ANXA2: variants seen among roughly 807,000 people sequenced by gnomAD.
ANXA2 encodes the protein annexin A2.
In ANXA2, 28 loss-of-function variants were observed where a neutral mutation model predicts 47.3. The ratio of observed to expected loss-of-function variants is 0.59; its 90% CI spans 0.44 to 0.81. The LOEUF is 0.81. Ranked by LOEUF, ANXA2 falls within the 40% of genes least tolerant of loss-of-function variation. ANXA2 has a pLI of 0.00. For synonymous variants in ANXA2, 172 were observed against 155.5 expected (o/e 1.11, Z -0.79); for missense variants, 384 against 414.3 (o/e 0.93, Z 0.64).
intron 1 of ANXA2, among the ~76,000 whole-genome samples, chr15:60,388,124 G>A (rs1189373586): frequency 6.6e-6 from 1 of 151,780 alleles, no homozygotes; most frequent in Non-Finnish European, 1.5e-5. Flanking sequence ...GAAGGCAGAG[G>A]TAGCAGTGAG....
rs1566938018 is a variant in ANXA2 at position 60,366,442 on chromosome 15, G to GT, written c.149-1920_149-1919insA. Reference sequence around the variant, plus strand: ...CCGCCCATCGTCTGAGATGTGGGGAGCACCTCTGCCCCACCGCCCTGTCTG... The same window carrying GT: ...CCGCCCATCGTCTGAGATGTGGGGAGTCACCTCTGCCCCACCGCCCTGTCTG... On this transcript the variant is annotated intron_variant, in intron 3 of 12. Transcript: ENST00000451270. Among the ~76,000 whole-genome samples the GT allele has an allele frequency of 2.6e-4, 39 of 150,018 alleles. No individual in the cohort carries two copies. The East Asian group carries it at 7.8e-3, about 30-fold the overall frequency.
At chr15:60,396,573 T>C (rs1238839971) in intron 1 of ANXA2, 1 of 152,260 alleles carries the variant, frequency 6.6e-6, no homozygotes, top group African/African-American at 2.4e-5. Context: ...TACACACACA[T>C]TGCCCCTCAC....
At chr15:60,393,957 T>C (rs1283200120) in intron 1 of ANXA2, among the ~76,000 whole-genome samples, 1 of 152,166 alleles carries the variant, frequency 6.6e-6, no homozygotes, top group African/African-American at 2.4e-5. Context: ...CTCAATTTTC[T>C]CTCTCCCTCA....
chr15:60,371,206 C>G (rs572636111), intron 3 of ANXA2, among the ~76,000 whole-genome samples: 1 of 152,336 alleles, frequency 6.6e-6, no homozygotes, highest in East Asian at 1.9e-4. Context: ...ATTTTCAACA[C>G]CTGGATCGTG....
intron 1 of ANXA2, among the ~76,000 whole-genome samples, chr15:60,387,971 C>G (rs1169239926): frequency 2.0e-5 from 3 of 152,064 alleles, no homozygotes; most frequent in Non-Finnish European, 4.4e-5. Flanking sequence ...AGGCAGATCA[C>G]GAGGTCAGGA....
chr15:60,350,307 C>T (rs1001146199), intron 11 of ANXA2, among the ~76,000 whole-genome samples: 6 of 152,168 alleles, frequency 3.9e-5, no homozygotes, highest in South Asian at 2.1e-4. Flanking sequence ...TAAATATATA[C>T]TGAGCACCTA....
intron 3 of ANXA2, among the ~76,000 whole-genome samples, chr15:60,377,520 T>C (rs2062797326): frequency 6.6e-6 from 1 of 152,204 alleles, no homozygotes; most frequent in South Asian, 2.1e-4. Flanking sequence ...ATAGCAATAA[T>C]GCAAGTCACA....
chr15:60,382,478 A>G (rs372107517), intron 2 of ANXA2, 37 bp from the exon 3 acceptor site: 3 of 1,397,664 alleles, frequency 2.1e-6, no homozygotes, highest in Non-Finnish European at 3.0e-6. Context: ...AATGACACAC[A>G]TTTAAAATCC....
At chr15:60,351,342 C>G in intron 10 of ANXA2, 91 bp from the exon 11 acceptor site, 1 of 1,294,058 alleles carries the variant, frequency 7.7e-7, no homozygotes. Flanking sequence ...GGCCACAAAC[C>G]AGAAGTGACC....
rs576093084 is a variant in ANXA2, at chr15:60,353,170, T to G, written c.589-694A>C. 7.2e-4 allele frequency among the ~76,000 whole-genome samples: 109 copies of G among 152,336 alleles called. No homozygotes were observed. In the Middle Eastern group the frequency reaches 0.01, roughly 14 times the overall value. On this transcript the variant is annotated intron_variant, in intron 8 of 12. Coordinates refer to ENST00000451270, the MANE Select transcript of ANXA2 (RefSeq NM_004039.3). ...AAACTAACATTAATTTAAATTAATT[T>G]TTTTCTGCAGCTTTTATGACTTACT...
rs774763502 is a variant in ANXA2 at position 60,349,219 on chromosome 15, G to T, written c.838-22C>A. On this transcript the variant is annotated intron_variant, in intron 11 of 12. Coordinates refer to ENST00000451270, the MANE Select transcript of ANXA2 (RefSeq NM_004039.3). ...TGCCCTGAAAATCAAGTTGATATTTGTTACATTCGCTGAGAATGTTATCGT... is the reference window on the plus strand; with the variant it reads ...TGCCCTGAAAATCAAGTTGATATTTTTTACATTCGCTGAGAATGTTATCGT... 3 of 1,612,964 alleles carry T rather than the reference G, an allele frequency of 1.9e-6. No individual in the cohort carries two copies. The South Asian group carries it at 3.3e-5, about 18-fold the overall frequency.
At chr15:60,385,068 G>GT (rs1268567878) in intron 2 of ANXA2, among the ~76,000 whole-genome samples, 8 of 151,900 alleles carry the variant, frequency 5.3e-5, no homozygotes, top group African/African-American at 1.9e-4. Flanking sequence ...TTTTTTATTT[G>GT]TAAAAAAAAG....
At chr15:60,355,303 G>A (rs1327124043) in intron 7 of ANXA2, 1 of 160,452 alleles carries the variant, frequency 6.2e-6, no homozygotes, top group Non-Finnish European at 1.4e-5. Context: ...GAATGGCATA[G>A]GAGTTGTTGC....
chr15:60,366,604 G>A (rs1240329812), intron 3 of ANXA2, among the ~76,000 whole-genome samples: 2 of 148,266 alleles, frequency 1.3e-5, no homozygotes, highest in African/African-American at 2.5e-5. Context: ...GAGCCCCTCC[G>A]TCCGGCAACC....
chr15:60,354,202 T>G lies in ANXA2; in HGVS notation c.540A>C (p.Ala180=), dbSNP rs978881276. Residue 180 remains alanine (A), a synonymous_variant, in exon 8 of 13, where the codon GCA becomes GCC. Transcript: ENST00000451270. ...CATAATCAATGACAGAGCCATCCTCTGCTCTTCTACCCTATGGGGGAAAGA... is the reference window on the plus strand; with the variant it reads ...CATAATCAATGACAGAGCCATCCTCGGCTCTTCTACCCTATGGGGGAAAGA... The part of the protein sequence containing the change: ...LMVALAKGRR[A]EDGSVIDYEL... The G allele has an allele frequency of 6.2e-7, 1 of 1,613,586 alleles. No homozygotes were observed. The highest frequency in any genetic ancestry group is 1.3e-5 in the African/African-American group (1 of 75,044).
chr15:60,351,278 G>A (rs1373113856), intron 10 of ANXA2, 27 bp from the exon 11 acceptor site: 6 of 1,611,132 alleles, frequency 3.7e-6, no homozygotes, highest in African/African-American at 1.3e-5. Context: ...GGGAGTCAGC[G>A]CTGCAGCTGC....
At chr15:60,351,854 G>A in intron 9 of ANXA2, 35 bp from the exon 10 acceptor site, 1 of 1,433,232 alleles carries the variant, frequency 7.0e-7, no homozygotes, top group Non-Finnish European at 9.8e-7. Context: ...TCAGATCCGA[G>A]CCACTAGTCA....
intron 5 of ANXA2, among the ~76,000 whole-genome samples, chr15:60,360,738 C>T (rs1051256766): frequency 6.6e-6 from 1 of 152,214 alleles, no homozygotes; most frequent in Non-Finnish European, 1.5e-5. Flanking sequence ...TTCTCAGCAT[C>T]ATGAAATTTC....
At chr15:60,395,674 T>C (rs1205828155) in intron 1 of ANXA2, 2 of 152,160 alleles carry the variant, frequency 1.3e-5, no homozygotes, top group African/African-American at 4.8e-5. Context: ...GTTTAATAGC[T>C]CAAAGACACA....
Sources: allele counts gnomAD v4.1 joint callset (sites outside exome capture counted in the v4.1 genomes callset), GRCh38; gene constraint gnomAD v4.1.1; transcripts MANE v1.5; gene names NCBI Gene and HGNC (gene_info 2026-07-23, HGNC 2026-07-21).